Variants in GK5 observed in about 807,000 individuals in gnomAD.
GK5 encodes the protein glycerol kinase 5, also known as ATP:glycerol 3-phosphotransferase 5.
A neutral mutation model predicts 77.3 loss-of-function variants in GK5; 39 were observed. That is an observed-to-expected ratio of 0.50 (90% CI 0.39 to 0.66). GK5 has a LOEUF of 0.66. Among genes scored for constraint, GK5 ranks in the 30% least tolerant of loss-of-function variants. GK5 has a pLI of 0.00. For synonymous variants in GK5, 211 were observed against 208.0 expected, an observed-to-expected ratio of 1.01 and a Z score of -0.13; for missense variants, 487 against 633.8, an observed-to-expected ratio of 0.77 and a Z score of 2.49.
chr3:142,193,737 T>A (rs1205446830), intron 5 of GK5, among the ~76,000 whole-genome samples: 2 of 152,184 alleles, frequency 1.3e-5, no homozygotes, highest in Non-Finnish European at 2.9e-5. Flanking sequence ...TGAAACTGTT[T>A]TCTTTCTTTT....
At chr3:142,215,307 C>T (rs1047043267) in intron 2 of GK5, among the ~76,000 whole-genome samples, 29 of 152,070 alleles carry the variant, frequency 1.9e-4, no homozygotes, top group African/African-American at 6.8e-4. Flanking sequence ...GTATTTTGTG[C>T]CAAACAGGAA....
intron 4 of GK5, among the ~76,000 whole-genome samples, chr3:142,203,512 C>T (rs1369575004): frequency 6.6e-6 from 1 of 152,222 alleles, no homozygotes; most frequent in Non-Finnish European, 1.5e-5. Context: ...CGATGACTGA[C>T]GCCTGTAATC....
rs1341182049 is a variant in GK5 at position 142,182,025 on chromosome 3, C to T, written c.944-460G>A. 2.0e-5 allele frequency among the ~76,000 whole-genome samples: 3 copies of T among 152,144 alleles called. No homozygotes were observed. In the East Asian group the frequency reaches 5.8e-4, roughly 29 times the overall value. On this transcript the variant is annotated intron_variant, in intron 10 of 15. Coordinates refer to ENST00000392993, the MANE Select transcript of GK5 (RefSeq NM_001039547.3). ...AACAAGGCTCCTAAATAGAAACAAT[C>T]TAATAGAATTATCAACATTTTCTAA...
chr3:142,175,667 G>A (rs1190981630), intron 12 of GK5, among the ~76,000 whole-genome samples: 4 of 151,966 alleles, frequency 2.6e-5, no homozygotes, highest in Admixed American at 1.3e-4. Context: ...CATGACCTAC[G>A]GTCAACCTAC....
At chr3:142,169,039 C>T (rs993675805) in intron 15 of GK5, among the ~76,000 whole-genome samples, 1 of 152,182 alleles carries the variant, frequency 6.6e-6, no homozygotes, top group Non-Finnish European at 1.5e-5. Context: ...TGTTCACTGG[C>T]TTTATCAGAC....
intron 5 of GK5, among the ~76,000 whole-genome samples, chr3:142,196,507 T>A (rs980755218): frequency 2.0e-5 from 3 of 152,156 alleles, no homozygotes; most frequent in African/African-American, 7.2e-5. Flanking sequence ...TAAGTTTTGG[T>A]ATGTTGTATC....
At position 142,159,455 on chromosome 3, in the gene GK5, C is replaced by CA. The variant is rs1337266511; in HGVS notation, c.*6166dup. On this transcript the variant is annotated 3_prime_UTR_variant, in exon 16 of 16. Coordinates refer to ENST00000392993, the MANE Select transcript of GK5 (RefSeq NM_001039547.3). ...GGGAAAGACAGTAGAAATAGAATAA[C>CA]AGAGAATTTCAGAAATATCTGATTT... 6.6e-6 allele frequency: 1 copy of CA among 152,052 alleles called. No homozygotes were observed. The highest frequency in any genetic ancestry group is 6.6e-5 in the Admixed American group (1 of 15,256). 9.4% of individuals were successfully genotyped at this position (152,052 alleles called of 1,614,324 possible).
chr3:142,215,576 G>A lies in GK5; in HGVS notation c.241+23C>T, dbSNP rs2064263648. On this transcript the variant is annotated intron_variant, in intron 2 of 15. Transcript: ENST00000392993. Reference sequence around the variant, plus strand: ...CAAAAAAAAAACCATAAAGATTATTGTTATTTTTATAAATCCAATTACCTT... The same window carrying A: ...CAAAAAAAAAACCATAAAGATTATTATTATTTTTATAAATCCAATTACCTT... The A allele has an allele frequency of 3.2e-6, 4 of 1,235,030 alleles. 1 individual carries two copies. The highest frequency in any genetic ancestry group is 4.6e-6 in the Non-Finnish European group (4 of 863,764). 76.5% of individuals were successfully genotyped at this position (1,235,030 alleles called of 1,614,324 possible). A position where few individuals can be genotyped will look rare whatever the true frequency, so the allele number is the denominator to read the frequency against.
intron 3 of GK5, among the ~76,000 whole-genome samples, chr3:142,208,158 T>A (rs2107793646): frequency 6.6e-6 from 1 of 152,366 alleles, no homozygotes; most frequent in Non-Finnish European, 1.5e-5. Flanking sequence ...TTATGTCAAA[T>A]TAATTTTAAC....
chr3:142,165,444 G>GA lies in GK5; in HGVS notation c.*177dup, dbSNP rs1412193564. The GA allele has an allele frequency of 8.6e-6, 4 of 463,952 alleles. No homozygotes were observed. The highest frequency in any genetic ancestry group is 5.4e-5 in the South Asian group (1 of 18,690). 28.7% of individuals were successfully genotyped at this position (463,952 alleles called of 1,614,324 possible). On this transcript the variant is annotated 3_prime_UTR_variant, in exon 16 of 16. Transcript: ENST00000392993. ...ATTGCTGCCTTACCATGGTTTAGGGGAAAAAAATAAGAGTTTTTTGTTCCG... is the reference window on the plus strand; with the variant it reads ...ATTGCTGCCTTACCATGGTTTAGGGGAAAAAAAATAAGAGTTTTTTGTTCCG...
At chr3:142,203,646 T>C (rs982862382) in intron 4 of GK5, among the ~76,000 whole-genome samples, 1 of 152,118 alleles carries the variant, frequency 6.6e-6, no homozygotes, top group African/African-American at 2.4e-5. Flanking sequence ...TGGTGGCATA[T>C]GCTTGTAGTC....
At chr3:142,184,075 G>C (rs936558595) in intron 9 of GK5, among the ~76,000 whole-genome samples, 3 of 151,134 alleles carry the variant, frequency 2.0e-5, no homozygotes, top group African/African-American at 7.3e-5. Context: ...TGGCTAACAC[G>C]GTGAAACCCC....
chr3:142,175,726 C>T (rs1184597655), intron 12 of GK5, among the ~76,000 whole-genome samples: 1 of 152,040 alleles, frequency 6.6e-6, no homozygotes, highest in East Asian at 1.9e-4. Context: ...AGGTTGCAAT[C>T]ATGGCAGGAC....
intron 4 of GK5, 112 bp downstream of exon 4, chr3:142,204,583 G>A: frequency 1.3e-6 from 1 of 758,898 alleles, no homozygotes; most frequent in Non-Finnish European, 2.5e-6. Context: ...GGGAGTGTGT[G>A]CGTATGTCTT....
chr3:142,219,418 C>A (rs1354364001), intron 1 of GK5, among the ~76,000 whole-genome samples: 1 of 152,112 alleles, frequency 6.6e-6, no homozygotes, highest in Admixed American at 6.5e-5. Context: ...AAGTGATATA[C>A]ATAACAATAT....
intron 5 of GK5, among the ~76,000 whole-genome samples, chr3:142,190,800 C>T (rs1405817413): frequency 2.0e-5 from 3 of 152,020 alleles, no homozygotes; most frequent in Non-Finnish European, 2.9e-5. Context: ...AATTAATGAT[C>T]CCTCCTTCTA....
chr3:142,222,353 C>A (rs1560241875), intron 1 of GK5, among the ~76,000 whole-genome samples: 1 of 152,076 alleles, frequency 6.6e-6, no homozygotes, highest in Admixed American at 6.5e-5. Context: ...ATCACCAGGT[C>A]AGGATATCGA....
At chr3:142,173,283 C>A in intron 12 of GK5, 2 of 376,708 alleles carry the variant, frequency 5.3e-6, no homozygotes, top group Non-Finnish European at 1.0e-5. Flanking sequence ...TCCAGCCTAA[C>A]ATGTTCTCAA....
intron 2 of GK5, 119 bp from the exon 3 acceptor site, chr3:142,213,720 T>C: frequency 1.6e-6 from 1 of 628,628 alleles, no homozygotes; most frequent in South Asian, 2.2e-5. Flanking sequence ...GGGTTTAGCA[T>C]TCTAACAAAA....
Sources: gnomAD v4.1 joint callset for allele counts (sites outside exome capture counted in the v4.1 genomes callset) on GRCh38, gnomAD v4.1.1 for gene constraint, MANE v1.5 for transcripts, NCBI Gene and HGNC (gene_info 2026-07-23, HGNC 2026-07-21) for gene names.